Variants in RAB38 observed in about 807,000 individuals in gnomAD.
The protein encoded by RAB38 is RAB38, member RAS oncogene family.
In RAB38, 15 loss-of-function variants were observed where a neutral mutation model predicts 18.4. The ratio of observed to expected loss-of-function variants is 0.82; its 90% CI spans 0.55 to 1.26. RAB38 has a LOEUF of 1.26. RAB38 is among the 50% of genes most tolerant of loss of function. The pLI is 0.00. For synonymous variants in RAB38, 101 were observed against 104.4 expected (o/e 0.97, Z 0.20); for missense variants, 294 against 267.4 (o/e 1.10, Z -0.69).
the RAB38 span, among the ~76,000 whole-genome samples, chr11:88,068,708 TC>T: frequency 6.6e-6 from 1 of 152,242 alleles, no homozygotes; most frequent in Admixed American, 6.5e-5. Flanking sequence ...GTCAGGCTGT[TC>T]TAAATAAACT....
the RAB38 span, among the ~76,000 whole-genome samples, chr11:88,019,843 C>T: frequency 6.6e-6 from 1 of 152,144 alleles, no homozygotes; most frequent in Non-Finnish European, 1.5e-5. Flanking sequence ...AATATCACCT[C>T]AATTTTCTCT....
chr11:88,038,022 T>A, the RAB38 span, among the ~76,000 whole-genome samples: 3 of 152,206 alleles, frequency 2.0e-5, no homozygotes, highest in Admixed American at 2.0e-4. Context: ...ATTGTCTATG[T>A]ATATAGAGAA....
chr11:88,007,316 T>A, the RAB38 span, among the ~76,000 whole-genome samples: 4 of 150,394 alleles, frequency 2.7e-5, no homozygotes. Flanking sequence ...AAAACTTTCA[T>A]GAAAAACACT....
At chr11:88,051,038 A>G in the RAB38 span, among the ~76,000 whole-genome samples, 3 of 152,186 alleles carry the variant, frequency 2.0e-5, no homozygotes, top group African/African-American at 7.2e-5. Context: ...CTTAAATTGC[A>G]ACATTTTGTT....
the RAB38 span, among the ~76,000 whole-genome samples, chr11:87,942,483 T>C: frequency 6.6e-6 from 1 of 152,182 alleles, no homozygotes. Context: ...CCTAAGTTTA[T>C]GCTTAGGTTG....
the RAB38 span, among the ~76,000 whole-genome samples, chr11:87,810,401 A>G: frequency 6.6e-6 from 1 of 152,132 alleles, no homozygotes; most frequent in Non-Finnish European, 1.5e-5. Context: ...GCTTTTATAA[A>G]ATGGAATCAT....
chr11:88,053,886 T>A, the RAB38 span, among the ~76,000 whole-genome samples: 3 of 152,034 alleles, frequency 2.0e-5, no homozygotes, highest in South Asian at 4.1e-4. Flanking sequence ...GCATTCTTAC[T>A]TATGTCATTG....
the RAB38 span, among the ~76,000 whole-genome samples, chr11:87,876,487 A>C: frequency 6.6e-6 from 1 of 151,566 alleles, no homozygotes; most frequent in Non-Finnish European, 1.5e-5. Flanking sequence ...ATCCAAACTA[A>C]CACAGCTTTG....
At chr11:87,807,544 G>A in the RAB38 span, among the ~76,000 whole-genome samples, 1 of 152,140 alleles carries the variant, frequency 6.6e-6, no homozygotes, top group African/African-American at 2.4e-5. Context: ...CATAAACCAT[G>A]CTGACTATTT....
chr11:88,167,011 C>G (rs1356943648), intron 1 of RAB38: 3 of 152,040 alleles, frequency 2.0e-5, no homozygotes, highest in Non-Finnish European at 4.4e-5. Flanking sequence ...ATGTTAGGAC[C>G]CAGGGATACA....
chr11:87,805,607 ACACACACACACACACG>A, the RAB38 span, among the ~76,000 whole-genome samples: 2 of 3,600 alleles, frequency 5.6e-4, no homozygotes, highest in African/African-American at 1.7e-3. Flanking sequence ...AAAACACTAC[ACACACACACACACACG>A]CACACACACA....
the RAB38 span, among the ~76,000 whole-genome samples, chr11:87,913,654 T>C: frequency 5.9e-5 from 9 of 151,994 alleles, no homozygotes; most frequent in Admixed American, 2.6e-4. Flanking sequence ...TGAGGGTGAA[T>C]CTCTTGTGAA....
chr11:88,051,975 T>A, the RAB38 span, among the ~76,000 whole-genome samples: 1 of 151,942 alleles, frequency 6.6e-6, no homozygotes, highest in Non-Finnish European at 1.5e-5. Flanking sequence ...TACAAAAAAT[T>A]AGCTGGGCAT....
chr11:88,089,809 G>A, the RAB38 span, among the ~76,000 whole-genome samples: 22 of 151,988 alleles, frequency 1.4e-4, no homozygotes, highest in African/African-American at 2.6e-4. Flanking sequence ...ATCAGCTACC[G>A]CCCGCAATGG....
chr11:88,096,554 G>A, the RAB38 span, among the ~76,000 whole-genome samples: 1 of 151,654 alleles, frequency 6.6e-6, no homozygotes, highest in South Asian at 2.1e-4. Context: ...ATGAGAGCAG[G>A]GCCTTTGCTT....
chr11:88,103,082 A>T, the RAB38 span, among the ~76,000 whole-genome samples: 1 of 152,012 alleles, frequency 6.6e-6, no homozygotes, highest in Non-Finnish European at 1.5e-5. Context: ...ACCCTTGATA[A>T]TTACTGATTT....
chr11:87,977,417 AATT>A, the RAB38 span, among the ~76,000 whole-genome samples: 429 of 110,908 alleles, frequency 3.9e-3, 29 homozygotes, highest in East Asian at 0.091. Context: ...TATAAAATAT[AATT>A]ATATTATAAA....
chr11:88,144,569 T>C (rs1229052847), intron 2 of RAB38, among the ~76,000 whole-genome samples: 2 of 152,186 alleles, frequency 1.3e-5, no homozygotes, highest in African/African-American at 4.8e-5. Flanking sequence ...AGAACAGTAT[T>C]AGATATATTC....
the RAB38 span, among the ~76,000 whole-genome samples, chr11:88,044,958 C>A: frequency 2.2e-4 from 33 of 152,322 alleles, no homozygotes; most frequent in East Asian, 5.4e-3. Flanking sequence ...TAGCCCTCCC[C>A]CACCTGCCCA....
Sources: allele counts gnomAD v4.1 joint callset (sites outside exome capture counted in the v4.1 genomes callset), GRCh38; gene constraint gnomAD v4.1.1; transcripts MANE v1.5; gene names NCBI Gene and HGNC (gene_info 2026-07-23, HGNC 2026-07-21).